SAP30BP: variants seen among roughly 807,000 people sequenced by gnomAD.
The protein encoded by SAP30BP is SAP30-binding protein.
A neutral mutation model predicts 46.3 loss-of-function variants in SAP30BP; 31 were observed. The ratio of observed to expected loss-of-function variants is 0.67; its 90% CI spans 0.50 to 0.90. The LOEUF (loss-of-function observed/expected upper bound fraction) is 0.90, where lower values mean the gene tolerates loss of function less well. Among genes scored for constraint, SAP30BP ranks in the 40% least tolerant of loss-of-function variants. The probability of loss-of-function intolerance (pLI) is 0.00; values close to 1 mark genes in which losing one functional copy is unlikely to be tolerated. For synonymous variants in SAP30BP, 169 were observed against 144.2 expected (o/e 1.17, Z -1.23); for missense variants, 312 against 391.0 (o/e 0.80, Z 1.70).
At chr17:75,678,007 A>G (rs1762641497) in intron 3 of SAP30BP, among the ~76,000 whole-genome samples, 1 of 151,996 alleles carries the variant, frequency 6.6e-6, no homozygotes, top group African/African-American at 2.4e-5. Flanking sequence ...ATGTCCGTTA[A>G]GTTGTTAGCC....
At chr17:75,705,656 C>T in intron 9 of SAP30BP, 1 of 1,114,130 alleles carries the variant, frequency 9.0e-7, no homozygotes, top group Non-Finnish European at 1.1e-6. Flanking sequence ...CCGGAGCTGT[C>T]CTTCCCCTGT....
intron 6 of SAP30BP, 135 bp downstream of exon 6, chr17:75,702,706 T>G: frequency 1.9e-6 from 1 of 516,156 alleles, no homozygotes; most frequent in Non-Finnish European, 3.6e-6. Context: ...ACTGAGTGCC[T>G]GCTGGACATG....
intron 3 of SAP30BP, chr17:75,684,897 A>G (rs1436816359): frequency 1.3e-5 from 2 of 152,212 alleles, no homozygotes; most frequent in South Asian, 2.1e-4. Context: ...AGGCCTCACT[A>G]CATCATAAGC....
Position 75,703,391 on chromosome 17 carries a change from C to G in SAP30BP, c.549+20C>G, listed in dbSNP as rs2060444645. On this transcript the variant is annotated intron_variant, in intron 7 of 10. Coordinates refer to ENST00000584667, the MANE Select transcript of SAP30BP (RefSeq NM_013260.8). The stretch of plus-strand genomic sequence containing the variant: ...CCAAAGGTGCGTCTGGCACACGGGG[C>G]TGGAGGGTGATGGGGACACCCAGGG... The G allele has an allele frequency of 1.2e-6, 2 of 1,611,368 alleles. No homozygotes were observed. Among genetic ancestry groups the G allele is most frequent in the Non-Finnish European group, 1.7e-6 (2 of 1,178,460 alleles).
chr17:75,677,467 C>T (rs1355471265), intron 3 of SAP30BP, among the ~76,000 whole-genome samples: 2 of 142,938 alleles, frequency 1.4e-5, no homozygotes, highest in South Asian at 4.5e-4. Flanking sequence ...AAGTCTCGCT[C>T]TGTCACCCAG....
At chr17:75,690,087 C>T (rs896337718) in intron 3 of SAP30BP, among the ~76,000 whole-genome samples, 2 of 152,202 alleles carry the variant, frequency 1.3e-5, no homozygotes, top group African/African-American at 4.8e-5. Context: ...ATCCATGTAA[C>T]AGACCTGCAC....
chr17:75,705,750 G>A (rs544318496), intron 9 of SAP30BP: 27 of 1,084,334 alleles, frequency 2.5e-5, no homozygotes, highest in Admixed American at 2.2e-4. Context: ...GGCGGTGGGC[G>A]GGGGGTGCCG....
In SAP30BP at chr17:75,693,827, T is replaced by G. The variant is rs1283264007; in HGVS notation, c.307+345T>G. Among the ~76,000 whole-genome samples, 5 of 152,182 alleles carry G rather than the reference T, an allele frequency of 3.3e-5. No individual in the cohort carries two copies. The East Asian group carries it at 9.7e-4, about 29-fold the overall frequency. On this transcript the variant is annotated intron_variant, in intron 4 of 10. Transcript: ENST00000584667. ...CTGTCTTTGCAACCCCTCCTCCCCC[T>G]CTCCGCTGGCATATGCATGCTGCTC...
intron 7 of SAP30BP, 58 bp from the exon 8 acceptor site, chr17:75,703,739 AAGACTTGGGCC>A: frequency 1.4e-6 from 2 of 1,380,170 alleles, no homozygotes; most frequent in Non-Finnish European, 2.1e-6. Context: ...GCTCTATGGG[AAGACTTGGGCC>A]AGGAACTTGG....
chr17:75,671,927 G>A, intron 3 of SAP30BP, 64 bp downstream of exon 3: 2 of 1,280,556 alleles, frequency 1.6e-6, no homozygotes, highest in African/African-American at 1.5e-5. Context: ...CTGTGGCTCA[G>A]TTCGTATGTT....
Position 75,691,861 on chromosome 17 carries a change from G to C in SAP30BP, c.265-1579G>C, listed in dbSNP as rs2060247713. On this transcript the variant is annotated intron_variant, in intron 3 of 10. Coordinates refer to ENST00000584667, the MANE Select transcript of SAP30BP (RefSeq NM_013260.8). ...CCCATGTATTGTTACTAACACTCTT[G>C]AACACTGGTTTCCTGAGAGTCACTG... 2.9e-5 allele frequency: 6 copies of C among 204,478 alleles called. No homozygotes were observed. The South Asian group carries it at 4.6e-4, about 16-fold the overall frequency. The allele number at this position is 204,478 out of a possible 1,614,324, so 12.7% of individuals were successfully genotyped here. A position where few individuals can be genotyped will look rare whatever the true frequency, so the allele number is the denominator to read the frequency against.
chr17:75,674,686 G>GTTTATTT (rs1555718004), intron 3 of SAP30BP, among the ~76,000 whole-genome samples: 5 of 57,014 alleles, frequency 8.8e-5, no homozygotes, highest in African/African-American at 3.4e-4. Context: ...AAGTTTTTTT[G>GTTTATTT]TTTGTTTTTT....
At chr17:75,679,844 A>G (rs2148384348) in intron 3 of SAP30BP, 1 of 152,108 alleles carries the variant, frequency 6.6e-6, no homozygotes, top group Admixed American at 6.6e-5. Context: ...CCAGCACCTC[A>G]CTCCGGGAAA....
intron 3 of SAP30BP, among the ~76,000 whole-genome samples, chr17:75,681,312 A>G (rs1192250518): frequency 1.3e-5 from 2 of 152,138 alleles, no homozygotes; most frequent in African/African-American, 2.4e-5. Flanking sequence ...GGCCTTGACA[A>G]GTCCTCACTT....
intron 4 of SAP30BP, among the ~76,000 whole-genome samples, chr17:75,694,616 C>T (rs2060287692): frequency 7.2e-5 from 1 of 13,878 alleles, no homozygotes; most frequent in African/African-American, 1.5e-4. Context: ...GCTGGGAAGC[C>T]GATGGCCGGC....
rs1311783939 is a variant in SAP30BP at position 75,706,241 on chromosome 17, C to T, written c.746-99C>T. 31 of 1,541,948 alleles carry T rather than the reference C, an allele frequency of 2.0e-5. No homozygotes were observed. The highest frequency in any genetic ancestry group is 1.1e-4 in the East Asian group (5 of 44,408). On this transcript the variant is annotated intron_variant, in intron 10 of 10. Transcript: ENST00000584667. This position sits in a 1 kb window ranked among gnomAD's most constrained non-coding sequence, Gnocchi z 4.6. ...CTTTGGAGTCTGGGGTGGGCCACTTCGGGGTCTGCTCCCTAGACTCCCGCT... is the reference window on the plus strand; with the variant it reads ...CTTTGGAGTCTGGGGTGGGCCACTTTGGGGTCTGCTCCCTAGACTCCCGCT...
At chr17:75,698,565 G>C (rs1052711355) in intron 4 of SAP30BP, among the ~76,000 whole-genome samples, 2 of 147,452 alleles carry the variant, frequency 1.4e-5, no homozygotes, top group Admixed American at 1.3e-4. Flanking sequence ...CTGGTTTACA[G>C]ACATATGCAG....
In SAP30BP at chr17:75,706,394, C is replaced by G. The variant is rs200708050; in HGVS notation, c.800C>G (p.Ala267Gly). ...WDSAIPVTTI[A>G]QPTILTTTAT... ...TCGGCTATCCCAGTGACAACGATAG[C>G]CCAGCCCACCATCCTCACCACCACA... Residue 267 changes from alanine (A) to glycine (G), a missense_variant, in exon 11 of 11, where the codon GCC (alanine) becomes GGC (glycine). By Grantham distance (60) the Ala-to-Gly change is moderately conservative. Transcript: ENST00000584667. This position sits in a 1 kb window ranked among gnomAD's most constrained non-coding sequence, Gnocchi z 4.6. 654 of 1,614,068 alleles carry G rather than the reference C, an allele frequency of 4.1e-4. No individual in the cohort carries two copies. The highest frequency in any genetic ancestry group is 5.1e-4 in the Non-Finnish European group (603 of 1,180,012).
At position 75,706,121 on chromosome 17, in the gene SAP30BP, C is replaced by T. The variant is rs371578932; in HGVS notation, c.745+29C>T. The T allele has an allele frequency of 3.8e-6, 6 of 1,599,794 alleles. No homozygotes were observed. Among genetic ancestry groups the T allele is most frequent in the East Asian group, 2.2e-5 (1 of 44,694 alleles). ...GATTGCAGAGCTGCCCTGCCTCCTG[C>T]CACACACATGGAGCCAGGGTCTCCC... On this transcript the variant is annotated intron_variant, in intron 10 of 10. Transcript: ENST00000584667. This position sits in a 1 kb window ranked among gnomAD's most constrained non-coding sequence, Gnocchi z 4.6.
Sources: allele counts gnomAD v4.1 joint callset (sites outside exome capture counted in the v4.1 genomes callset), GRCh38; gene constraint gnomAD v4.1.1; non-coding constraint Gnocchi (gnomAD v3.1); transcripts MANE v1.5; gene names NCBI Gene and HGNC (gene_info 2026-07-23, HGNC 2026-07-21).